Variants in PLPPR1 observed in about 807,000 individuals in gnomAD.
The protein encoded by PLPPR1 is phospholipid phosphatase-related protein type 1.
In PLPPR1, 10 loss-of-function variants were observed where a neutral mutation model predicts 33.1. The ratio of observed to expected loss-of-function variants is 0.30; its 90% CI spans 0.19 to 0.51. The LOEUF (loss-of-function observed/expected upper bound fraction) is 0.51. Among genes scored for constraint, PLPPR1 ranks in the 20% least tolerant of loss-of-function variants. The pLI is 0.97. For synonymous variants in PLPPR1, 151 were observed against 151.0 expected, an observed-to-expected ratio of 1.00 and a Z score of 0.00; for missense variants, 304 against 408.1, an observed-to-expected ratio of 0.74 and a Z score of 2.20.
rs377532147 is a variant in PLPPR1 at position 101,154,095 on chromosome 9, T to C, written c.-45-31355T>C. ...TTGGTGGATAAGCTTTTTGATGTGC[T>C]GCTGGATTTGGTTTGCCAGTATTTT... is the stretch of plus-strand genomic sequence containing the variant. On this transcript the variant is annotated intron_variant, in intron 1 of 7. Transcript: ENST00000374874. Among the ~76,000 whole-genome samples, 6 of 152,376 alleles carry C rather than the reference T, an allele frequency of 3.9e-5. No homozygotes were observed. The South Asian group carries it at 1.2e-3, about 32-fold the overall frequency.
intron 1 of PLPPR1, among the ~76,000 whole-genome samples, chr9:101,174,893 C>T (rs932692200): frequency 6.6e-6 from 1 of 151,994 alleles, no homozygotes; most frequent in Admixed American, 6.6e-5. Context: ...TTGATTTTTT[C>T]TTTGCTTTAA....
At chr9:101,182,615 T>C (rs1237640904) in intron 1 of PLPPR1, among the ~76,000 whole-genome samples, 3 of 151,810 alleles carry the variant, frequency 2.0e-5, no homozygotes, top group Admixed American at 2.0e-4. Context: ...GTGAAGGTAC[T>C]CAATGTCACT....
chr9:101,210,940 T>A (rs1232003680), intron 2 of PLPPR1, among the ~76,000 whole-genome samples: 1 of 152,140 alleles, frequency 6.6e-6, no homozygotes, highest in Non-Finnish European at 1.5e-5. Context: ...GCTAATTTTT[T>A]GTATTTTTAG....
intron 1 of PLPPR1, among the ~76,000 whole-genome samples, chr9:101,045,258 G>A (rs1392456096): frequency 6.6e-6 from 1 of 152,228 alleles, no homozygotes; most frequent in Non-Finnish European, 1.5e-5. Flanking sequence ...TCAACTGGAT[G>A]AATAGTCTAG....
chr9:101,248,603 G>A (rs1827656978), intron 2 of PLPPR1, among the ~76,000 whole-genome samples: 1 of 152,018 alleles, frequency 6.6e-6, no homozygotes, highest in Non-Finnish European at 1.5e-5. Context: ...GTCAAGCATG[G>A]ATATCCACAG....
chr9:101,069,383 C>G (rs1192708225), intron 1 of PLPPR1, among the ~76,000 whole-genome samples: 2 of 152,040 alleles, frequency 1.3e-5, no homozygotes, highest in African/African-American at 2.4e-5. Context: ...TCTCTAGAGC[C>G]CATGATTAGA....
chr9:101,301,053 GTATT>G (rs1177687302), intron 4 of PLPPR1, among the ~76,000 whole-genome samples: 2 of 152,168 alleles, frequency 1.3e-5, no homozygotes, highest in African/African-American at 4.8e-5. Context: ...AAGTAAAAAT[GTATT>G]TGTTTGTTCT....
intron 1 of PLPPR1, among the ~76,000 whole-genome samples, chr9:101,095,652 A>G (rs1175893883): frequency 1.3e-5 from 2 of 152,168 alleles, no homozygotes; most frequent in Non-Finnish European, 2.9e-5. Flanking sequence ...TGAAGAAACC[A>G]TGTTTCTGAA....
intron 1 of PLPPR1, among the ~76,000 whole-genome samples, chr9:101,181,323 G>A (rs1456107016): frequency 6.6e-6 from 1 of 150,760 alleles, no homozygotes; most frequent in Non-Finnish European, 1.5e-5. Flanking sequence ...AAGTGTTGAC[G>A]ATGGTGTGGA....
At chr9:101,159,878 A>G (rs1021574434) in intron 1 of PLPPR1, among the ~76,000 whole-genome samples, 1 of 152,214 alleles carries the variant, frequency 6.6e-6, no homozygotes, top group Non-Finnish European at 1.5e-5. Flanking sequence ...GTCATTTTCC[A>G]GGGAGTGAGA....
intron 2 of PLPPR1, among the ~76,000 whole-genome samples, chr9:101,233,331 AAATGGAATAATG>A (rs988132037): frequency 2.6e-5 from 4 of 151,964 alleles, no homozygotes; most frequent in African/African-American, 9.7e-5. Context: ...TAACTGGGGA[AAATGGAATAATG>A]TTTACAAAAA....
chr9:101,176,184 G>A (rs1276140232), intron 1 of PLPPR1, among the ~76,000 whole-genome samples: 1 of 152,076 alleles, frequency 6.6e-6, no homozygotes, highest in Non-Finnish European at 1.5e-5. Flanking sequence ...CTTGACCCTA[G>A]TCAAACACCA....
At chr9:101,087,629 T>C (rs1159013730) in intron 1 of PLPPR1, among the ~76,000 whole-genome samples, 11 of 152,216 alleles carry the variant, frequency 7.2e-5, no homozygotes. Flanking sequence ...TTGTTCTTTG[T>C]TCTCAGAAAA....
At chr9:101,201,494 G>A (rs1396867275) in intron 2 of PLPPR1, among the ~76,000 whole-genome samples, 2 of 152,118 alleles carry the variant, frequency 1.3e-5, no homozygotes, top group East Asian at 3.9e-4. Context: ...TTGGATTTGA[G>A]GGTCTGACAA....
chr9:101,146,648 C>T lies in PLPPR1; in HGVS notation c.-45-38802C>T, dbSNP rs1831524825. 2.0e-5 allele frequency among the ~76,000 whole-genome samples: 3 copies of T among 152,190 alleles called. No homozygotes were observed. In the South Asian group the frequency reaches 6.2e-4, roughly 31 times the overall value. ...CACGAAGTGCAGAAGGAATGAGTTC[C>T]CTTACTCCCCAGTAAGGGCCTAAGA... On this transcript the variant is annotated intron_variant, in intron 1 of 7. Coordinates refer to ENST00000374874, the MANE Select transcript of PLPPR1 (RefSeq NM_207299.2).
At position 101,290,100 on chromosome 9, in the gene PLPPR1, C is replaced by A. The variant is rs546693827; in HGVS notation, c.385+3864C>A. 5.9e-5 allele frequency among the ~76,000 whole-genome samples: 9 copies of A among 151,904 alleles called. No homozygotes were observed. In the East Asian group the frequency reaches 1.7e-3, roughly 29 times the overall value. ...TCTGAGTATATGTGAATTTTTTTCA[C>A]AAGAAAGGGTACTACTTACAATAAA... On this transcript the variant is annotated intron_variant, in intron 4 of 7. Transcript: ENST00000374874.
chr9:101,174,861 G>A (rs1438835566), intron 1 of PLPPR1, among the ~76,000 whole-genome samples: 1 of 152,122 alleles, frequency 6.6e-6, no homozygotes, highest in Non-Finnish European at 1.5e-5. Flanking sequence ...TAATTAGCAA[G>A]AAACATCAGT....
chr9:101,320,085 A>T (rs1829126749), intron 7 of PLPPR1, among the ~76,000 whole-genome samples: 1 of 152,234 alleles, frequency 6.6e-6, no homozygotes, highest in Admixed American at 6.5e-5. Context: ...GAAGTGCTAA[A>T]CAGGGTTTCA....
At chr9:101,088,161 T>C (rs532108886) in intron 1 of PLPPR1, among the ~76,000 whole-genome samples, 7 of 152,188 alleles carry the variant, frequency 4.6e-5, no homozygotes, top group Non-Finnish European at 7.4e-5. Context: ...AATTTAGATA[T>C]TGCAGGGAAC....
Sources: allele counts gnomAD v4.1 joint callset (sites outside exome capture counted in the v4.1 genomes callset), GRCh38; gene constraint gnomAD v4.1.1; transcripts MANE v1.5; gene names NCBI Gene and HGNC (gene_info 2026-07-23, HGNC 2026-07-21).